The following EEF1B2 variants were observed in gnomAD, a reference collection of about 807,000 sequenced individuals.
EEF1B2 encodes the protein elongation factor 1-beta.
EEF1B2 carries 12 observed loss-of-function variants against 28.3 expected under a neutral mutation model. That is an observed-to-expected ratio of 0.42 (90% CI 0.27 to 0.69). The LOEUF is 0.69. Among genes scored for constraint, EEF1B2 ranks in the 30% least tolerant of loss-of-function variants. The pLI is 0.22. For synonymous variants in EEF1B2, 83 were observed against 99.9 expected, an observed-to-expected ratio of 0.83 and a Z score of 1.01; for missense variants, 234 against 272.6, an observed-to-expected ratio of 0.86 and a Z score of 1.00.
At position 206,159,988 on chromosome 2, in the gene EEF1B2, C is replaced by A. The variant is rs1014902539; in HGVS notation, c.9C>A (p.Phe3Leu). Reference protein sequence around the residue: MGFGDLKSPAGLQ... With the variant: MGLGDLKSPAGLQ... ...CGGATACAGCCGACACCATGGGTTT[C>A]GGAGACCTGAAAAGCCCTGCCGGCC... Residue 3 changes from phenylalanine (F) to leucine (L), a missense_variant, in exon 1 of 6, where the codon TTC (phenylalanine) becomes TTA (leucine). Phe to Leu is a conservative substitution (Grantham distance 22). Coordinates refer to ENST00000392222, the MANE Select transcript of EEF1B2 (RefSeq NM_001959.4). 1 of 1,612,892 alleles carries A rather than the reference C, an allele frequency of 6.2e-7. No homozygotes were observed. The highest frequency in any genetic ancestry group is 1.1e-5 in the South Asian group (1 of 91,028).
intron 1 of EEF1B2, 103 bp downstream of exon 1, chr2:206,160,162 G>GAGGCCGGGC (rs1553509754): frequency 1.4e-6 from 2 of 1,411,050 alleles, no homozygotes; most frequent in Non-Finnish European, 1.9e-6. Flanking sequence ...GGGAGGCCGG[G>GAGGCCGGGC]CCCGGGGCCC....
chr2:206,162,267 G>C (rs576509470), intron 4 of EEF1B2, 163 bp downstream of exon 4: 76 of 1,073,856 alleles, frequency 7.1e-5, no homozygotes, highest in Non-Finnish European at 1.0e-4. Context: ...TATGGTAGCA[G>C]TTGTGGCATT....
intron 4 of EEF1B2, 92 bp downstream of exon 4, chr2:206,162,196 A>G (rs757485093): frequency 1.0e-5 from 13 of 1,299,796 alleles, no homozygotes; most frequent in East Asian, 9.2e-5. Flanking sequence ...CATTCCTTGA[A>G]TAGGTCAATA....
At chr2:206,160,992 C>G in intron 2 of EEF1B2, 1 of 665,882 alleles carries the variant, frequency 1.5e-6, no homozygotes, top group South Asian at 1.5e-5. Context: ...GTGGCTCATT[C>G]ATTCAGTCCT....
rs772827306 is a variant in EEF1B2 at position 206,162,021 on chromosome 2, A to T, written c.331-17A>T. 5 of 1,610,796 alleles carry T rather than the reference A, an allele frequency of 3.1e-6. No individual in the cohort carries two copies. The South Asian group carries it at 5.5e-5, about 18-fold the overall frequency. On this transcript the variant is annotated splice_polypyrimidine_tract_variant and intron_variant, in intron 3 of 5. Transcript: ENST00000392222. Reference sequence around the variant, plus strand: ...ACAACCAGCTTTCTGAAGTGGATTAATTTTTTTTCTTTACAGGAAAGTGAA... The same window carrying T: ...ACAACCAGCTTTCTGAAGTGGATTATTTTTTTTTCTTTACAGGAAAGTGAA...
At chr2:206,160,213 A>G (rs1466340193) in intron 1 of EEF1B2, among the ~76,000 whole-genome samples, 154 bp downstream of exon 1, 4 of 152,140 alleles carry the variant, frequency 2.6e-5, no homozygotes, top group Non-Finnish European at 5.9e-5. Flanking sequence ...CCGTCTCCCA[A>G]GGCCCTCGTG....
Position 206,161,479 on chromosome 2 carries a change from C to T in EEF1B2, c.330+7C>T, listed in dbSNP as rs781125102. ...TGGATCTGATGATGAGGAGGTATGG[C>T]GTCTTCTATAAAGAACATATCGGCC... On this transcript the variant is annotated splice_region_variant and intron_variant, in intron 3 of 5. Coordinates refer to ENST00000392222, the MANE Select transcript of EEF1B2 (RefSeq NM_001959.4). 28 of 1,613,240 alleles carry T rather than the reference C, an allele frequency of 1.7e-5. No individual in the cohort carries two copies. The highest frequency in any genetic ancestry group is 1.2e-4 in the African/African-American group (9 of 74,864).
At position 206,159,923 on chromosome 2, in the gene EEF1B2, C is replaced by T. The variant is rs1186381542; in HGVS notation, c.-57C>T. 1.9e-6 allele frequency: 3 copies of T among 1,585,922 alleles called. No individual in the cohort carries two copies. Among genetic ancestry groups the T allele is most frequent in the Non-Finnish European group, 2.6e-6 (3 of 1,165,820 alleles). ...TTTTCCTCTCTTCAGCGTGGGGCGCCCACAATTTGCGCGCTCTCTTTCTGC... is the reference window on the plus strand; with the variant it reads ...TTTTCCTCTCTTCAGCGTGGGGCGCTCACAATTTGCGCGCTCTCTTTCTGC... On this transcript the variant is annotated 5_prime_UTR_variant, in exon 1 of 6. Coordinates refer to ENST00000392222, the MANE Select transcript of EEF1B2 (RefSeq NM_001959.4).
chr2:206,161,815 G>T lies in EEF1B2; in HGVS notation c.331-223G>T, dbSNP rs568648989. 104 of 726,398 alleles carry T rather than the reference G, an allele frequency of 1.4e-4. No homozygotes were observed. The African/African-American group carries it at 1.6e-3, about 11-fold the overall frequency. 45.0% of individuals were successfully genotyped at this position (726,398 alleles called of 1,614,324 possible). A position where few individuals can be genotyped will look rare whatever the true frequency, so the allele number is the denominator to read the frequency against. ...ATCGATCAGCAATTGTATCAATGTG[G>T]TTAAGCCAAATTGCCTGGATTTGAA... On this transcript the variant is annotated intron_variant, in intron 3 of 5. Coordinates refer to ENST00000392222, the MANE Select transcript of EEF1B2 (RefSeq NM_001959.4).
At chr2:206,160,893 C>A in intron 2 of EEF1B2, 183 bp downstream of exon 2, 2 of 926,032 alleles carry the variant, frequency 2.2e-6, no homozygotes, top group Non-Finnish European at 1.7e-6. Context: ...ACAGGTAGAA[C>A]ATGGACAGCA....
In EEF1B2 at chr2:206,160,684, C is replaced by T. The variant is rs1434191989; in HGVS notation, c.177C>T (p.Ile59=). ...LCHALRWYNH[I]KSYEKEKASL... ...ATGCCCTACGTTGGTATAATCACAT[C>T]AAGTCTTACGAAAAGGAAAAGGCCA... The change falls in exon 2 of 6, where the codon ATC becomes ATT. Residue 59 remains isoleucine, a synonymous_variant. Transcript: ENST00000392222. The T allele has an allele frequency of 6.2e-7, 1 of 1,613,970 alleles. No homozygotes were observed. The highest frequency in any genetic ancestry group is 1.3e-5 in the African/African-American group (1 of 74,900).
intron 3 of EEF1B2, chr2:206,161,768 CAAAAAAA>C: frequency 4.3e-6 from 2 of 462,016 alleles, no homozygotes; most frequent in Non-Finnish European, 4.0e-6. Flanking sequence ...GACTCCGTCC[CAAAAAAA>C]AAAAAAAAGA....
Position 206,160,573 on chromosome 2 carries a change from C to A in EEF1B2, c.81-15C>A. 1 of 1,613,430 alleles carries A rather than the reference C, an allele frequency of 6.2e-7. No individual in the cohort carries two copies. The highest frequency in any genetic ancestry group is 8.5e-7 in the Non-Finnish European group (1 of 1,179,822). On this transcript the variant is annotated splice_polypyrimidine_tract_variant and intron_variant, in intron 1 of 5. Transcript: ENST00000392222. ...TTTTCAAAGGTGTGTGTGAATGTTTCTGTGTCCTTGGCAGGTATGTGCCAT... is the reference window on the plus strand; with the variant it reads ...TTTTCAAAGGTGTGTGTGAATGTTTATGTGTCCTTGGCAGGTATGTGCCAT...
intron 3 of EEF1B2, 123 bp from the exon 4 acceptor site, chr2:206,161,915 C>G (rs777106407): frequency 1.2e-6 from 1 of 828,984 alleles, no homozygotes; most frequent in South Asian, 1.3e-5. Context: ...CACCATCTTT[C>G]GGCTGAGTTC....
chr2:206,160,520 T>C (rs2105784611), intron 1 of EEF1B2, 68 bp from the exon 2 acceptor site: 1 of 1,611,306 alleles, frequency 6.2e-7, no homozygotes, highest in Non-Finnish European at 8.5e-7. Context: ...ATGCATACGG[T>C]ATTTATTATT....
chr2:206,161,358 G>A lies in EEF1B2; in HGVS notation c.216G>A (p.Val72=), dbSNP rs763112788. 1.2e-5 allele frequency: 20 copies of A among 1,613,964 alleles called. No individual in the cohort carries two copies. Among genetic ancestry groups the A allele is most frequent in the Non-Finnish European group, 1.7e-5 (20 of 1,180,024 alleles). Residue 72 remains valine (V), a synonymous_variant, in exon 3 of 6, where the codon GTG becomes GTA. Transcript: ENST00000392222. Reference sequence around the variant, plus strand: ...AATGTTTTTCAAGCCTGCCAGGAGTGAAGAAAGCTTTGGGCAAATATGGTC... The same window carrying A: ...AATGTTTTTCAAGCCTGCCAGGAGTAAAGAAAGCTTTGGGCAAATATGGTC... The part of the protein sequence containing the change: ...YEKEKASLPG[V]KKALGKYGPA...
intron 3 of EEF1B2, 121 bp from the exon 4 acceptor site, chr2:206,161,917 G>T (rs1365969776): frequency 1.2e-6 from 1 of 839,182 alleles, no homozygotes; most frequent in South Asian, 1.3e-5. Context: ...CCATCTTTCG[G>T]CTGAGTTCGT....
In EEF1B2 at chr2:206,160,072, G is replaced by A. The variant is rs1468183202; in HGVS notation, c.80+13G>A. On this transcript the variant is annotated intron_variant, in intron 1 of 5. Transcript: ENST00000392222. ...GCTACATCGAGGGGTGAGCGGACGG[G>A]CTGAGTCGGGGTGGCGGGGAGGTTT... The A allele has an allele frequency of 6.2e-7, 1 of 1,609,880 alleles. No homozygotes were observed. The highest frequency in any genetic ancestry group is 8.5e-7 in the Non-Finnish European group (1 of 1,178,210).
chr2:206,160,019 G>C lies in EEF1B2; in HGVS notation c.40G>C (p.Val14Leu), dbSNP rs1239594546. 1.9e-6 allele frequency: 3 copies of C among 1,613,342 alleles called. No homozygotes were observed. Among genetic ancestry groups the C allele is most frequent in the Non-Finnish European group, 2.5e-6 (3 of 1,179,760 alleles). ...CCTGAAAAGCCCTGCCGGCCTCCAG[G>C]TGCTCAACGATTACCTGGCGGACAA... ...GDLKSPAGLQ[V>L]LNDYLADKSY... The change falls in exon 1 of 6, where the codon GTG (valine) becomes CTG (leucine). Residue 14 changes from valine (V) to leucine (L), a missense_variant. By Grantham distance (32) the Val-to-Leu change is conservative. Coordinates refer to ENST00000392222, the MANE Select transcript of EEF1B2 (RefSeq NM_001959.4).
Sources: allele counts gnomAD v4.1 joint callset (sites outside exome capture counted in the v4.1 genomes callset), GRCh38; gene constraint gnomAD v4.1.1; transcripts MANE v1.5; gene names NCBI Gene and HGNC (gene_info 2026-07-23, HGNC 2026-07-21).